Variants in ERO1B observed in about 807,000 individuals in gnomAD.
ERO1B encodes the protein ERO1-like protein beta.
Under a neutral mutation model 75.3 loss-of-function variants are expected in ERO1B, and 49 were observed. The ratio of observed to expected loss-of-function variants is 0.65; its 90% CI spans 0.52 to 0.83. The LOEUF (loss-of-function observed/expected upper bound fraction) is 0.83. Among genes scored for constraint, ERO1B ranks in the 40% least tolerant of loss-of-function variants. The pLI is 0.00. For synonymous variants in ERO1B, 191 were observed against 192.9 expected, an observed-to-expected ratio of 0.99 and a Z score of 0.08; for missense variants, 512 against 560.1, an observed-to-expected ratio of 0.91 and a Z score of 0.87.
chr1:236,281,709 G>T lies in ERO1B; in HGVS notation c.75C>A (p.Ser25Arg). ...GCGCCTCGACGACGCTCCGCAGGAA[G>T]CTCAGGGTGACCAGCAGCTGCACCG... ...AAAVQLLVTL[S>R]FLRSVVEAQV... The change falls in exon 1 of 16, where the codon AGC (serine) becomes AGA (arginine). Residue 25 changes from serine to arginine, a missense_variant. Transcript: ENST00000354619. The T allele has an allele frequency of 6.6e-7, 1 of 1,508,978 alleles. No homozygotes were observed. The allele number at this position is 1,508,978 out of a possible 1,614,324, so 93.5% of individuals were successfully genotyped here.
intron 14 of ERO1B, 85 bp downstream of exon 14, chr1:236,221,839 A>C (rs1664152416): frequency 9.9e-7 from 1 of 1,006,930 alleles, no homozygotes; most frequent in South Asian, 1.5e-5. Context: ...TCAATGAACA[A>C]TGAGGACATT....
At chr1:236,230,913 A>T (rs899523113) in intron 9 of ERO1B, among the ~76,000 whole-genome samples, 2 of 151,676 alleles carry the variant, frequency 1.3e-5, no homozygotes, top group African/African-American at 4.8e-5. Flanking sequence ...TGGGCAACAT[A>T]GCAAGATCCT....
At chr1:236,236,499 C>T (rs1279166105) in intron 6 of ERO1B, 101 bp from the exon 7 acceptor site, 1 of 1,282,230 alleles carries the variant, frequency 7.8e-7, no homozygotes, top group Non-Finnish European at 1.1e-6. Flanking sequence ...AGAAAAATGT[C>T]ATGCTTTTCA....
At chr1:236,244,910 A>T (rs1001225329) in intron 5 of ERO1B, among the ~76,000 whole-genome samples, 2 of 152,178 alleles carry the variant, frequency 1.3e-5, no homozygotes, top group Non-Finnish European at 2.9e-5. Context: ...ATAGTGTCCC[A>T]AGGTTAAAGT....
At chr1:236,272,374 T>C (rs1309062501) in intron 1 of ERO1B, among the ~76,000 whole-genome samples, 3 of 152,116 alleles carry the variant, frequency 2.0e-5, no homozygotes, top group African/African-American at 4.8e-5. Context: ...GAATACTAAG[T>C]AGCCATTTTA....
intron 8 of ERO1B, among the ~76,000 whole-genome samples, chr1:236,234,151 A>T (rs1468073855): frequency 1.3e-5 from 2 of 152,096 alleles, no homozygotes; most frequent in Admixed American, 1.3e-4. Flanking sequence ...TTCATAGAGT[A>T]CTCCTATAAC....
chr1:236,216,601 T>C lies in ERO1B; in HGVS notation c.*1915A>G, dbSNP rs1336134547. 2 of 152,110 alleles carry C rather than the reference T, an allele frequency of 1.3e-5. No individual in the cohort carries two copies. Among genetic ancestry groups the C allele is most frequent in the African/African-American group, 4.8e-5 (2 of 41,434 alleles). 9.4% of individuals were successfully genotyped at this position (152,110 alleles called of 1,614,324 possible). ...CTCTAATATACTAGTTTTCCTAAGC[T>C]TGAAACAAATCACAGTACAGAAAAA... On this transcript the variant is annotated 3_prime_UTR_variant, in exon 16 of 16. Transcript: ENST00000354619.
chr1:236,273,688 C>A (rs1418818668), intron 1 of ERO1B, among the ~76,000 whole-genome samples: 1 of 151,812 alleles, frequency 6.6e-6, no homozygotes, highest in Non-Finnish European at 1.5e-5. Context: ...CATCTGTAGT[C>A]CCAGCTACTC....
chr1:236,270,055 A>G (rs1665557968), intron 1 of ERO1B, 61 bp from the exon 2 acceptor site: 1 of 1,153,154 alleles, frequency 8.7e-7, no homozygotes, highest in Admixed American at 2.4e-5. Context: ...ACAAATCTAC[A>G]CTATTATATA....
At chr1:236,279,841 C>T (rs1452684380) in intron 1 of ERO1B, among the ~76,000 whole-genome samples, 4 of 23,558 alleles carry the variant, frequency 1.7e-4, no homozygotes, top group Non-Finnish European at 3.4e-4. Flanking sequence ...GAGACACTAT[C>T]TCAAAAAAAA....
At chr1:236,263,749 CTAATA>C in intron 2 of ERO1B, among the ~76,000 whole-genome samples, 1 of 128,672 alleles carries the variant, frequency 7.8e-6, no homozygotes, top group East Asian at 2.2e-4. Context: ...TGTTTTATCG[CTAATA>C]TATTTTTTGT....
intron 2 of ERO1B, among the ~76,000 whole-genome samples, chr1:236,261,385 C>T (rs1037187566): frequency 3.3e-5 from 5 of 152,084 alleles, no homozygotes; most frequent in African/African-American, 1.2e-4. Context: ...ATGACATGAT[C>T]TCATAGAGAG....
intron 2 of ERO1B, among the ~76,000 whole-genome samples, chr1:236,268,624 C>A (rs10802465): frequency 0.041 from 6,286 of 152,036 alleles, 163 homozygotes; most frequent in Non-Finnish European, 0.062. Flanking sequence ...CGGTGGCTCA[C>A]GCCTGTAATC....
At chr1:236,236,636 G>T (rs1274826476) in intron 6 of ERO1B, among the ~76,000 whole-genome samples, 2 of 152,062 alleles carry the variant, frequency 1.3e-5, no homozygotes, top group Non-Finnish European at 2.9e-5. Context: ...CTTTGGATAC[G>T]CAGTGCTCTT....
chr1:236,220,716 T>A, intron 15 of ERO1B, 116 bp downstream of exon 15: 1 of 959,068 alleles, frequency 1.0e-6, no homozygotes, highest in South Asian at 2.6e-5. Flanking sequence ...ACAGATACAA[T>A]ATAAAATTTT....
intron 13 of ERO1B, among the ~76,000 whole-genome samples, chr1:236,222,464 A>G (rs1448514155): frequency 2.0e-5 from 3 of 152,174 alleles, no homozygotes; most frequent in Admixed American, 1.3e-4. Flanking sequence ...GTATACTATA[A>G]CATGGTACAT....
chr1:236,239,915 T>A (rs1434652480), intron 6 of ERO1B, among the ~76,000 whole-genome samples: 5 of 136,146 alleles, frequency 3.7e-5, no homozygotes, highest in African/African-American at 1.3e-4. Context: ...ATATATATTT[T>A]TTTTTTTTGC....
chr1:236,269,749 A>G (rs920893434), intron 2 of ERO1B, 126 bp downstream of exon 2: 1 of 709,152 alleles, frequency 1.4e-6, no homozygotes, highest in African/African-American at 1.8e-5. Flanking sequence ...ACTGCAATAC[A>G]TAATAAATTC....
intron 2 of ERO1B, among the ~76,000 whole-genome samples, chr1:236,262,470 T>C (rs1665314373): frequency 6.6e-6 from 1 of 152,192 alleles, no homozygotes; most frequent in Non-Finnish European, 1.5e-5. Flanking sequence ...TGATGCAACC[T>C]CAGTTCACCA....
Sources: gnomAD v4.1 joint callset for allele counts (sites outside exome capture counted in the v4.1 genomes callset) on GRCh38, gnomAD v4.1.1 for gene constraint, MANE v1.5 for transcripts, NCBI Gene and HGNC (gene_info 2026-07-23, HGNC 2026-07-21) for gene names.